Variants in MYO1H observed in about 807,000 individuals in gnomAD.
The protein encoded by MYO1H is unconventional myosin-Ih.
A neutral mutation model predicts 149.3 loss-of-function variants in MYO1H; 118 were observed. The ratio of observed to expected loss-of-function variants is 0.79; its 90% confidence interval spans 0.68 to 0.92. MYO1H has a LOEUF of 0.92. Ranked by LOEUF, MYO1H falls within the 40% of genes least tolerant of loss-of-function variation. The pLI, the probability that MYO1H is intolerant of heterozygous loss-of-function variation, is 0.00. For synonymous variants in MYO1H, 447 were observed against 465.2 expected, an observed-to-expected ratio of 0.96 and a Z score of 0.50; for missense variants, 1,212 against 1,280.7, an observed-to-expected ratio of 0.95 and a Z score of 0.82.
Position 109,438,496 on chromosome 12 carries a change from A to G in MYO1H, c.2210-40A>G, listed in dbSNP as rs1031069934. On this transcript the variant is annotated intron_variant, in intron 22 of 31. Transcript: ENST00000310903. The stretch of plus-strand genomic sequence containing the variant: ...GAAAAGCCTTCTGTATTTCCATACG[A>G]TTGTGCTCACCTTCTAATGCCAGCA... The G allele has an allele frequency of 4.6e-6, 7 of 1,517,420 alleles. No individual in the cohort carries two copies. The African/African-American group carries it at 9.6e-5, about 21-fold the overall frequency. 94.0% of individuals were successfully genotyped at this position (1,517,420 alleles called of 1,614,324 possible).
chr12:109,395,914 A>ATGTTGT (rs142541282), intron 3 of MYO1H, among the ~76,000 whole-genome samples: 1 of 116,264 alleles, frequency 8.6e-6, no homozygotes, highest in African/African-American at 2.7e-5. Flanking sequence ...GTTGTTGTTG[A>ATGTTGT]TGTTGTTGTT....
intron 15 of MYO1H, among the ~76,000 whole-genome samples, chr12:109,418,019 T>C (rs1451280617): frequency 6.6e-6 from 1 of 151,906 alleles, no homozygotes; most frequent in African/African-American, 2.4e-5. Flanking sequence ...GGTTTCACCG[T>C]GTTAGCCAGG....
intron 15 of MYO1H, among the ~76,000 whole-genome samples, chr12:109,417,721 C>T (rs1160909206): frequency 2.0e-5 from 3 of 152,220 alleles, no homozygotes; most frequent in African/African-American, 2.4e-5. Context: ...TGATATTAAA[C>T]ATGTTTTCAC....
intron 30 of MYO1H, 95 bp from the exon 31 acceptor site, chr12:109,445,418 C>A: frequency 2.2e-6 from 2 of 897,492 alleles, no homozygotes; most frequent in Admixed American, 2.7e-5. Context: ...GATCTTGAAA[C>A]TAGTAGAATT....
At chr12:109,420,839 T>A (rs1871141495) in intron 15 of MYO1H, 142 bp from the exon 16 acceptor site, 1 of 664,808 alleles carries the variant, frequency 1.5e-6, no homozygotes, top group African/African-American at 1.8e-5. Context: ...CAGCCCCAAA[T>A]ACCCATAGTG....
the MYO1H span, among the ~76,000 whole-genome samples, chr12:109,327,940 A>C: frequency 2.0e-5 from 3 of 151,766 alleles, no homozygotes; most frequent in Non-Finnish European, 4.4e-5. Flanking sequence ...CTTTCTATGC[A>C]TCAACTCTTT....
chr12:109,369,445 G>A (rs1868936625), intron 1 of MYO1H, among the ~76,000 whole-genome samples: 1 of 152,194 alleles, frequency 6.6e-6, no homozygotes, highest in African/African-American at 2.4e-5. Context: ...AGGAAGAGTG[G>A]TAAACCTCTG....
chr12:109,427,203 C>T (rs1871384710), intron 18 of MYO1H, among the ~76,000 whole-genome samples: 1 of 151,222 alleles, frequency 6.6e-6, no homozygotes, highest in Non-Finnish European at 1.5e-5. Context: ...GTAATCCCCA[C>T]TACTTGGGAG....
rs1396573839 is a variant in MYO1H at position 109,403,983 on chromosome 12, G to T, written c.752G>T (p.Gly251Val). 4.3e-6 allele frequency: 7 copies of T among 1,611,782 alleles called. No homozygotes were observed. In the Admixed American group the frequency reaches 5.0e-5, roughly 12 times the overall value. Residue 251 changes from glycine to valine, a missense_variant and splice_region_variant, in exon 7 of 32, where the codon GGT becomes GTT. Physicochemically the swap from Gly to Val is moderately radical, Grantham distance 109. Transcript: ENST00000310903. ...GTGACTCAAACTTTTTGTCAACAGG[G>T]TCATTGTGCCAAAGAGTCATCCATT...
At chr12:109,341,247 C>G in the MYO1H span, among the ~76,000 whole-genome samples, 4 of 95,158 alleles carry the variant, frequency 4.2e-5, no homozygotes, top group African/African-American at 1.8e-4. Flanking sequence ...AAAAAAAAAT[C>G]CTTTTCACAG....
rs573015338 is a variant in MYO1H, at chr12:109,396,317, T to C, written c.291-67T>C. 5.3e-4 allele frequency: 722 copies of C among 1,349,812 alleles called. 2 individuals are homozygous for C. Among genetic ancestry groups the C allele is most frequent in the East Asian group, 6.9e-4 (29 of 42,162 alleles). 83.6% of individuals were successfully genotyped at this position (1,349,812 alleles called of 1,614,324 possible). A position where few individuals can be genotyped will look rare whatever the true frequency, so the allele number is the denominator to read the frequency against. On this transcript the variant is annotated intron_variant, in intron 3 of 31. Transcript: ENST00000310903. ...GATGGAGCACCTCATTTTTCTTCTT[T>C]GGTGGGTGTCAGAGTCAAGGGAAGT...
intron 15 of MYO1H, 33 bp from the exon 16 acceptor site, chr12:109,420,948 T>A (rs751205872): frequency 8.0e-7 from 1 of 1,243,210 alleles, no homozygotes; most frequent in African/African-American, 1.5e-5. Context: ...GCAGAGACAT[T>A]GATTCAAAAA....
chr12:109,362,724 T>G (rs185632622), intron 1 of MYO1H, among the ~76,000 whole-genome samples: 1 of 152,278 alleles, frequency 6.6e-6, no homozygotes, highest in East Asian at 1.9e-4. Flanking sequence ...GACATTCCTT[T>G]CTTGTATGTA....
At chr12:109,352,043 T>G (rs2136995023) in intron 1 of MYO1H, among the ~76,000 whole-genome samples, 1 of 152,324 alleles carries the variant, frequency 6.6e-6, no homozygotes, top group East Asian at 1.9e-4. Flanking sequence ...ATGTAACTTT[T>G]ACTAGTGAGT....
intron 4 of MYO1H, 112 bp downstream of exon 4, chr12:109,396,694 G>A (rs1357424454): frequency 8.1e-6 from 7 of 868,700 alleles, no homozygotes; most frequent in South Asian, 1.9e-5. Flanking sequence ...AAGAAAAGAG[G>A]TCACACAGAT....
chr12:109,443,561 G>T, exon 28 of MYO1H: 1 of 1,613,838 alleles, frequency 6.2e-7, no homozygotes, highest in South Asian at 1.1e-5. Flanking sequence ...TCAAAGCACG[G>T]CAGCGGCAAC....
intron 16 of MYO1H, 61 bp downstream of exon 16, chr12:109,421,088 G>A: frequency 8.5e-7 from 1 of 1,181,040 alleles, no homozygotes; most frequent in Non-Finnish European, 1.2e-6. Flanking sequence ...CCATGATAGT[G>A]ATTTTGGTAG....
the MYO1H span, among the ~76,000 whole-genome samples, chr12:109,328,460 T>C: frequency 6.6e-6 from 1 of 152,108 alleles, no homozygotes; most frequent in Non-Finnish European, 1.5e-5. Flanking sequence ...CCTCCCAAAG[T>C]GCTGGGATTA....
chr12:109,388,904 G>A, intron 2 of MYO1H, 60 bp downstream of exon 2: 1 of 1,532,298 alleles, frequency 6.5e-7, no homozygotes, highest in African/African-American at 1.4e-5. Flanking sequence ...TTGCCTTCAC[G>A]ACTTTGATGA....
Sources: gnomAD v4.1 joint callset for allele counts (sites outside exome capture counted in the v4.1 genomes callset) on GRCh38, gnomAD v4.1.1 for gene constraint, MANE v1.5 for transcripts, NCBI Gene and HGNC (gene_info 2026-07-23, HGNC 2026-07-21) for gene names.